The following TMEFF2 variants were observed in gnomAD, a reference collection of about 807,000 sequenced individuals.
The protein encoded by TMEFF2 is tomoregulin-2.
TMEFF2 carries 28 observed loss-of-function variants against 53.8 expected under a neutral mutation model. The ratio of observed to expected loss-of-function variants is 0.52; its 90% CI spans 0.39 to 0.71. The LOEUF (loss-of-function observed/expected upper bound fraction) is 0.71, where lower values mean the gene tolerates loss of function less well. Among genes scored for constraint, TMEFF2 ranks in the 30% least tolerant of loss-of-function variants. TMEFF2 has a pLI of 0.00. For synonymous variants in TMEFF2, 162 were observed against 166.3 expected, an observed-to-expected ratio of 0.97 and a Z score of 0.20; for missense variants, 353 against 455.2, an observed-to-expected ratio of 0.78 and a Z score of 2.04.
chr2:191,953,950 C>CA (rs1691977476), intron 8 of TMEFF2, 113 bp from the exon 9 acceptor site: 8 of 896,442 alleles, frequency 8.9e-6, no homozygotes, highest in Non-Finnish European at 1.2e-5. Context: ...AGTGCAGTGG[C>CA]GCATCTCGGC....
At chr2:192,041,249 A>G (rs376576682) in intron 5 of TMEFF2, among the ~76,000 whole-genome samples, 13 of 152,328 alleles carry the variant, frequency 8.5e-5, no homozygotes, top group African/African-American at 3.1e-4. Context: ...ATATATTTTT[A>G]AAACTCTTAC....
intron 5 of TMEFF2, among the ~76,000 whole-genome samples, chr2:192,026,929 G>A (rs1158921341): frequency 6.6e-6 from 1 of 152,128 alleles, no homozygotes; most frequent in African/African-American, 2.4e-5. Context: ...CCATTAAAAG[G>A]GCGTAGCTCC....
chr2:192,056,382 A>G (rs1034644015), intron 5 of TMEFF2, among the ~76,000 whole-genome samples: 1 of 152,020 alleles, frequency 6.6e-6, no homozygotes, highest in Non-Finnish European at 1.5e-5. Context: ...GAGGAGAAGA[A>G]GAGGAAGTGG....
intron 7 of TMEFF2, among the ~76,000 whole-genome samples, chr2:191,981,859 C>A (rs1245998463): frequency 6.6e-6 from 1 of 152,082 alleles, no homozygotes; most frequent in East Asian, 1.9e-4. Flanking sequence ...CTCCCTAAGC[C>A]CCTTCATCTT....
intron 4 of TMEFF2, among the ~76,000 whole-genome samples, chr2:192,092,020 C>T (rs548223758): frequency 6.8e-6 from 1 of 146,054 alleles, no homozygotes; most frequent in Non-Finnish European, 1.5e-5. Context: ...ACTTAAACAA[C>T]TGATGTCTAG....
chr2:192,040,020 C>T (rs1687433737), intron 5 of TMEFF2, among the ~76,000 whole-genome samples: 1 of 151,880 alleles, frequency 6.6e-6, no homozygotes, highest in African/African-American at 2.4e-5. Flanking sequence ...TATTAAGTTC[C>T]AATATAAATA....
intron 5 of TMEFF2, among the ~76,000 whole-genome samples, chr2:192,007,155 G>A (rs902220052): frequency 6.6e-6 from 1 of 151,944 alleles, no homozygotes; most frequent in African/African-American, 2.4e-5. Context: ...CTTGTTTAAT[G>A]TACACTATTC....
chr2:192,129,090 T>G (rs1401828381), intron 4 of TMEFF2, among the ~76,000 whole-genome samples: 1 of 152,172 alleles, frequency 6.6e-6, no homozygotes, highest in Non-Finnish European at 1.5e-5. Flanking sequence ...GGCCCCTAAA[T>G]TAGGTATTCT....
intron 5 of TMEFF2, among the ~76,000 whole-genome samples, chr2:192,016,292 A>C (rs938473134): frequency 6.6e-6 from 1 of 152,256 alleles, no homozygotes; most frequent in African/African-American, 2.4e-5. Flanking sequence ...ATTGGTGAAT[A>C]CATGTCTACC....
chr2:192,135,102 CCA>C (rs1689966537), intron 4 of TMEFF2, among the ~76,000 whole-genome samples: 1 of 152,106 alleles, frequency 6.6e-6, no homozygotes, highest in Non-Finnish European at 1.5e-5. Flanking sequence ...GACTGTGCCC[CCA>C]AAAAAACTTG....
intron 4 of TMEFF2, among the ~76,000 whole-genome samples, chr2:192,115,017 G>A (rs1689368272): frequency 6.6e-6 from 1 of 151,854 alleles, no homozygotes; most frequent in Non-Finnish European, 1.5e-5. Flanking sequence ...ACTACCCAAA[G>A]TGATCTACAG....
At chr2:192,028,164 C>T (rs1687020277) in intron 5 of TMEFF2, among the ~76,000 whole-genome samples, 1 of 151,716 alleles carries the variant, frequency 6.6e-6, no homozygotes, top group South Asian at 2.1e-4. Context: ...TCTCTTTTTG[C>T]CTGCTACCAT....
intron 4 of TMEFF2, among the ~76,000 whole-genome samples, chr2:192,098,371 C>T (rs976464121): frequency 6.6e-6 from 1 of 152,156 alleles, no homozygotes; most frequent in Non-Finnish European, 1.5e-5. Flanking sequence ...ATTGATTTGT[C>T]TGCCATTCGG....
intron 5 of TMEFF2, among the ~76,000 whole-genome samples, chr2:192,001,163 TG>T (rs1342425599): frequency 1.3e-5 from 2 of 152,186 alleles, no homozygotes; most frequent in Non-Finnish European, 2.9e-5. Flanking sequence ...AGATTCTGAC[TG>T]TTGTTGTGTT....
intron 7 of TMEFF2, among the ~76,000 whole-genome samples, chr2:191,986,254 A>C (rs1442088221): frequency 6.6e-6 from 1 of 151,566 alleles, no homozygotes; most frequent in African/African-American, 2.4e-5. Context: ...CAATCTTTCA[A>C]ACAGTCAGTG....
chr2:192,121,644 C>G (rs778426727), intron 4 of TMEFF2, among the ~76,000 whole-genome samples: 2 of 152,174 alleles, frequency 1.3e-5, no homozygotes, highest in Non-Finnish European at 2.9e-5. Context: ...GATGGTAATA[C>G]TGCTGGTTTT....
chr2:192,185,890 A>C (rs1187743123), intron 2 of TMEFF2, among the ~76,000 whole-genome samples: 1 of 152,134 alleles, frequency 6.6e-6, no homozygotes, highest in East Asian at 1.9e-4. Flanking sequence ...TTAACAACTT[A>C]AATATAATGT....
At chr2:191,960,783 C>A (rs753013691) in intron 7 of TMEFF2, among the ~76,000 whole-genome samples, 18 of 152,160 alleles carry the variant, frequency 1.2e-4, no homozygotes, top group Admixed American at 6.5e-5. Flanking sequence ...ATCTCCACTG[C>A]ATATTTTTAA....
intron 5 of TMEFF2, among the ~76,000 whole-genome samples, chr2:192,028,250 G>A (rs373541617): frequency 1.9e-4 from 29 of 152,244 alleles, no homozygotes; most frequent in African/African-American, 6.7e-4. Flanking sequence ...GGGACTGTAA[G>A]TCCATTAAAC....
Sources: allele counts gnomAD v4.1 joint callset (sites outside exome capture counted in the v4.1 genomes callset), GRCh38; gene constraint gnomAD v4.1.1; transcripts MANE v1.5; gene names NCBI Gene and HGNC (gene_info 2026-07-23, HGNC 2026-07-21).